DNAH7: variants seen among roughly 807,000 people sequenced by gnomAD.
The protein encoded by DNAH7 is dynein axonemal heavy chain 7.
A neutral mutation model predicts 444.6 loss-of-function variants in DNAH7; 397 were observed. The observed-to-expected ratio is 0.89, with a 90% CI of 0.82 to 0.97. The LOEUF (loss-of-function observed/expected upper bound fraction) is 0.97, where lower values mean the gene tolerates loss of function less well. DNAH7 is among the 50% of genes least tolerant of loss of function. DNAH7 has a pLI of 0.00. For synonymous variants in DNAH7, 1,636 were observed against 1,624.4 expected, an observed-to-expected ratio of 1.01 and a Z score of -0.17; for missense variants, 4,902 against 4,800.8, an observed-to-expected ratio of 1.02 and a Z score of -0.62.
intron 51 of DNAH7, among the ~76,000 whole-genome samples, chr2:195,810,420 T>G (rs550658673): frequency 3.3e-5 from 5 of 152,266 alleles, no homozygotes; most frequent in African/African-American, 1.2e-4. Context: ...ATTTATTTAT[T>G]TATTTGAGAC....
In DNAH7 at chr2:195,894,998, G is replaced by A. The variant is rs1361771089; in HGVS notation, c.4874C>T (p.Ala1625Val). Residue 1625 changes from alanine (A) to valine (V), a missense_variant, in exon 30 of 65, where the codon GCA (alanine) becomes GTA (valine). Ala to Val is a moderately conservative substitution (Grantham distance 64). Transcript: ENST00000312428. ...TGCCTTTTCACATATATCATTTAGT[G>A]CTCCAGCTAAGACACGATATGCACT... is the stretch of plus-strand genomic sequence containing the variant. ...KTSAYRVLAG[A>V]LNDICEKGLM... 18 of 1,607,758 alleles carry A rather than the reference G, an allele frequency of 1.1e-5. No individual in the cohort carries two copies. The highest frequency in any genetic ancestry group is 1.5e-5 in the Non-Finnish European group (18 of 1,176,344).
At chr2:195,921,242 G>A (rs1358727886) in intron 24 of DNAH7, among the ~76,000 whole-genome samples, 2 of 152,060 alleles carry the variant, frequency 1.3e-5, no homozygotes, top group African/African-American at 2.4e-5. Flanking sequence ...GTTATTGTAT[G>A]GAAAAGACAC....
At chr2:195,799,603 G>T in intron 54 of DNAH7, 131 bp from the exon 55 acceptor site, 1 of 623,404 alleles carries the variant, frequency 1.6e-6, no homozygotes, top group East Asian at 3.2e-5. Context: ...TAATGGTGGG[G>T]AGTCCAAGGC....
chr2:195,956,113 C>T lies in DNAH7; in HGVS notation c.3078+1148G>A, dbSNP rs73042509. On this transcript the variant is annotated intron_variant, in intron 19 of 64. Transcript: ENST00000312428. The stretch of plus-strand genomic sequence containing the variant: ...TTTTCCTATCAGATCATATAGTTGA[C>T]GTCAATACAGTATTATCAATATTTC... 4.5e-3 allele frequency among the ~76,000 whole-genome samples: 680 copies of T among 152,092 alleles called. 7 individuals are homozygous for T. Among genetic ancestry groups the T allele is most frequent in the African/African-American group, 0.016 (646 of 41,506 alleles).
intron 10 of DNAH7, 100 bp from the exon 11 acceptor site, chr2:196,001,958 T>C (rs1694064014): frequency 2.2e-6 from 2 of 905,350 alleles, no homozygotes; most frequent in Admixed American, 3.2e-5. Flanking sequence ...AAGGTCTTCA[T>C]AGAGAAGTAT....
rs1231514542 is a variant in DNAH7 at position 195,861,933 on chromosome 2, T to A, written c.7520A>T (p.Asp2507Val). The stretch of plus-strand genomic sequence containing the variant: ...TCGTGAGGCAACTGCCTGGAGTGCA[T>A]CTTCAGGCCATGACTAAATGTAAGA... ...TIDWFQSWPE[D>V]ALQAVASRFL... is the part of the protein sequence containing the mutation. Residue 2507 changes from aspartate (D) to valine (V), a missense_variant, in exon 42 of 65, where the codon GAT (aspartate) becomes GTT (valine). Coordinates refer to ENST00000312428, the MANE Select transcript of DNAH7 (RefSeq NM_018897.3). 5.6e-6 allele frequency: 9 copies of A among 1,611,414 alleles called. No individual in the cohort carries two copies. The highest frequency in any genetic ancestry group is 6.8e-6 in the Non-Finnish European group (8 of 1,177,654).
chr2:195,864,077 TATAAA>T (rs1192004674), intron 41 of DNAH7, 67 bp downstream of exon 41: 2 of 1,494,142 alleles, frequency 1.3e-6, no homozygotes, highest in Non-Finnish European at 1.8e-6. Context: ...GTTGGGAATC[TATAAA>T]ATAAGTCATG....
chr2:195,791,009 AC>A (rs1695852022), intron 57 of DNAH7, among the ~76,000 whole-genome samples: 1 of 152,152 alleles, frequency 6.6e-6, no homozygotes, highest in African/African-American at 2.4e-5. Context: ...TAAACAAATA[AC>A]CCCATTAAAA....
intron 5 of DNAH7, among the ~76,000 whole-genome samples, chr2:196,035,819 AG>A (rs35207833): frequency 0.48 from 72,434 of 151,790 alleles, 20,094 homozygotes; most frequent in South Asian, 0.63. Flanking sequence ...TCCTAGATAC[AG>A]AAAAGCCTGT....
chr2:195,931,581 T>A (rs1688699697), intron 21 of DNAH7, among the ~76,000 whole-genome samples: 2 of 151,822 alleles, frequency 1.3e-5, no homozygotes, highest in African/African-American at 4.8e-5. Flanking sequence ...CTTTAATCCA[T>A]CTTGAATTAA....
chr2:195,962,267 T>C (rs1377939659), intron 17 of DNAH7, among the ~76,000 whole-genome samples: 1 of 152,228 alleles, frequency 6.6e-6, no homozygotes, highest in Non-Finnish European at 1.5e-5. Context: ...GATAGCGGTA[T>C]ACAATGCCTA....
chr2:195,978,997 C>T (rs1692385862), intron 15 of DNAH7, among the ~76,000 whole-genome samples: 1 of 151,336 alleles, frequency 6.6e-6, no homozygotes, highest in African/African-American at 2.4e-5. Context: ...TATCCCATTT[C>T]AACATTCATA....
In DNAH7 at chr2:195,918,770, G is replaced by A. The variant is rs116053203; in HGVS notation, c.3935+3318C>T. On this transcript the variant is annotated intron_variant, in intron 24 of 64. Transcript: ENST00000312428. ...AGAGGAGGAGGAAATTATATGTGGA[G>A]CAAGGGGGCATTTTTAGGGCAGTAA... Among the ~76,000 whole-genome samples the A allele has an allele frequency of 6.8e-3, 1,030 of 152,280 alleles. 7 individuals are homozygous for A. The highest frequency in any genetic ancestry group is 0.024 in the African/African-American group (977 of 41,556).
intron 19 of DNAH7, among the ~76,000 whole-genome samples, chr2:195,954,097 T>C (rs1314908765): frequency 2.0e-5 from 3 of 152,200 alleles, no homozygotes; most frequent in East Asian, 3.8e-4. Flanking sequence ...TACATATGTA[T>C]ACATGTGCCA....
At chr2:195,863,835 G>A (rs754080046) in intron 41 of DNAH7, among the ~76,000 whole-genome samples, 1 of 152,128 alleles carries the variant, frequency 6.6e-6, no homozygotes, top group Non-Finnish European at 1.5e-5. Context: ...CTACCCCTCT[G>A]TGAACAGTTC....
intron 15 of DNAH7, among the ~76,000 whole-genome samples, chr2:195,978,975 T>G (rs1692384440): frequency 6.6e-6 from 1 of 152,056 alleles, no homozygotes; most frequent in Non-Finnish European, 1.5e-5. Flanking sequence ...CAATAATAAC[T>G]GGAGACTTAA....
At position 195,853,205 on chromosome 2, in the gene DNAH7, C is replaced by T. The variant is rs575432657; in HGVS notation, c.8781+138G>A. ...GCTAATTTACAGAATAATTAAAATACACAAGCAGAAATCATGCAAAAATAC... is the reference window on the plus strand; with the variant it reads ...GCTAATTTACAGAATAATTAAAATATACAAGCAGAAATCATGCAAAAATAC... On this transcript the variant is annotated intron_variant, in intron 46 of 64. Transcript: ENST00000312428. The T allele has an allele frequency of 1.2e-4, 79 of 660,778 alleles. No homozygotes were observed. The Middle Eastern group carries it at 1.4e-3, about 11-fold the overall frequency. 40.9% of individuals were successfully genotyped at this position (660,778 alleles called of 1,614,324 possible). A position where few individuals can be genotyped will look rare whatever the true frequency, so the allele number is the denominator to read the frequency against.
chr2:195,797,110 G>C (rs755771648), intron 55 of DNAH7, among the ~76,000 whole-genome samples: 1 of 152,214 alleles, frequency 6.6e-6, no homozygotes, highest in African/African-American at 2.4e-5. Flanking sequence ...AAAAGAGACA[G>C]ATGAACTTGT....
intron 5 of DNAH7, among the ~76,000 whole-genome samples, chr2:196,039,957 G>GACACCTACCCTAGAC (rs1186996609): frequency 1.0e-3 from 153 of 151,838 alleles, no homozygotes; most frequent in Admixed American, 2.0e-3. Context: ...CACATCCCTA[G>GACACCTACCCTAGAC]ACACATATAA....
Sources: allele counts gnomAD v4.1 joint callset (sites outside exome capture counted in the v4.1 genomes callset), GRCh38; gene constraint gnomAD v4.1.1; transcripts MANE v1.5; gene names NCBI Gene and HGNC (gene_info 2026-07-23, HGNC 2026-07-21).